Variants in TEAD1 observed in about 807,000 individuals in gnomAD.
TEAD1 encodes the protein transcriptional enhancer factor TEF-1.
Under a neutral mutation model 54.9 loss-of-function variants are expected in TEAD1, and 9 were observed. The ratio of observed to expected loss-of-function variants is 0.16; its 90% CI spans 0.10 to 0.29. The LOEUF is 0.29. TEAD1 is among the 10% of genes least tolerant of loss of function. TEAD1 has a pLI of 1.00. For missense variants in TEAD1, 387 were observed against 535.9 expected, an observed-to-expected ratio of 0.72 and a Z score of 2.74; for synonymous variants, 200 against 187.8, an observed-to-expected ratio of 1.07 and a Z score of -0.53.
chr11:12,734,734 A>C (rs985780329), intron 2 of TEAD1, among the ~76,000 whole-genome samples: 12 of 152,346 alleles, frequency 7.9e-5, no homozygotes, highest in Admixed American at 7.2e-4. Flanking sequence ...TTCTAGAAAC[A>C]ATAGGCTATA....
chr11:12,692,198 C>T (rs1943471747), intron 2 of TEAD1, among the ~76,000 whole-genome samples: 1 of 152,156 alleles, frequency 6.6e-6, no homozygotes, highest in South Asian at 2.1e-4. Context: ...CATGTTGGTG[C>T]ATCATAGACT....
At chr11:12,795,401 C>G (rs1405251808) in intron 3 of TEAD1, among the ~76,000 whole-genome samples, 1 of 152,188 alleles carries the variant, frequency 6.6e-6, no homozygotes, top group Non-Finnish European at 1.5e-5. Flanking sequence ...GTTAACACTT[C>G]AACAAATCTT....
intron 2 of TEAD1, among the ~76,000 whole-genome samples, chr11:12,700,298 TC>T (rs1300408987): frequency 2.6e-5 from 4 of 152,188 alleles, no homozygotes; most frequent in African/African-American, 4.8e-5. Context: ...TTGGACTTTT[TC>T]TTCCATAACT....
chr11:12,698,291 C>T (rs187181282), intron 2 of TEAD1, among the ~76,000 whole-genome samples: 2 of 151,964 alleles, frequency 1.3e-5, no homozygotes, highest in Non-Finnish European at 2.9e-5. Context: ...CCTTGCTGCG[C>T]TCTCTCTTTT....
At chr11:12,763,214 G>A (rs1199393216) in intron 2 of TEAD1, among the ~76,000 whole-genome samples, 1 of 152,160 alleles carries the variant, frequency 6.6e-6, no homozygotes, top group Non-Finnish European at 1.5e-5. Flanking sequence ...ATAATTTAAG[G>A]GGAATAAATC....
At chr11:12,872,001 A>G (rs1430978408) in intron 5 of TEAD1, among the ~76,000 whole-genome samples, 1 of 151,968 alleles carries the variant, frequency 6.6e-6, no homozygotes, top group Non-Finnish European at 1.5e-5. Flanking sequence ...CCCCGGGGCC[A>G]TTTTCTTGTT....
chr11:12,899,261 A>C (rs983582251), intron 9 of TEAD1, among the ~76,000 whole-genome samples: 1 of 149,912 alleles, frequency 6.7e-6, no homozygotes, highest in Non-Finnish European at 1.5e-5. Context: ...GAGGTTGTTA[A>C]TCAGGGTTGG....
chr11:12,744,562 G>A (rs1159870714), intron 2 of TEAD1, among the ~76,000 whole-genome samples: 2 of 152,154 alleles, frequency 1.3e-5, no homozygotes, highest in Admixed American at 1.3e-4. Context: ...TGCATGGGTA[G>A]CACTGATTAT....
intron 3 of TEAD1, among the ~76,000 whole-genome samples, chr11:12,783,192 CTTTT>C (rs3046326): frequency 1.0e-5 from 1 of 99,552 alleles, no homozygotes; most frequent in Non-Finnish European, 2.0e-5. Flanking sequence ...GTTTTTGTGC[CTTTT>C]TTTTTTTTTT....
Position 12,837,371 on chromosome 11 carries a change from C to T in TEAD1, c.203-24879C>T, listed in dbSNP as rs140976131. Among the ~76,000 whole-genome samples, 667 of 152,268 alleles carry T rather than the reference C, an allele frequency of 4.4e-3. 4 individuals carry two copies. The highest frequency in any genetic ancestry group is 0.024 in the Middle Eastern group (7 of 294). ...GGGCCAGGCATCGGGTCCTCAGTAA[C>T]GGACAGGGCAGTTTTGGCTACTGTT... is the stretch of plus-strand genomic sequence containing the variant. On this transcript the variant is annotated intron_variant, in intron 3 of 12. Transcript: ENST00000527636.
intron 2 of TEAD1, among the ~76,000 whole-genome samples, chr11:12,709,762 C>A (rs1212112145): frequency 1.3e-5 from 2 of 152,062 alleles, no homozygotes; most frequent in African/African-American, 4.8e-5. Flanking sequence ...GTCGTTAACC[C>A]AAGTAATCCT....
At chr11:12,932,420 G>A (rs1285830381) in intron 12 of TEAD1, among the ~76,000 whole-genome samples, 1 of 151,970 alleles carries the variant, frequency 6.6e-6, no homozygotes. Context: ...CTCTTGGGGG[G>A]GAGTCTTAGC....
At chr11:12,710,263 G>C (rs1286779763) in intron 2 of TEAD1, among the ~76,000 whole-genome samples, 1 of 152,166 alleles carries the variant, frequency 6.6e-6, no homozygotes, top group African/African-American at 2.4e-5. Flanking sequence ...GGTCAAGGCT[G>C]CAGTGAGCCG....
chr11:12,839,112 TA>T (rs74883882), intron 3 of TEAD1, among the ~76,000 whole-genome samples: 6,693 of 147,100 alleles, frequency 0.045, 517 homozygotes, highest in African/African-American at 0.16. Context: ...ATTTACTTAT[TA>T]AAAAAAAAAA....
intron 10 of TEAD1, 78 bp from the exon 11 acceptor site, chr11:12,924,834 T>C: frequency 1.9e-6 from 3 of 1,572,246 alleles, no homozygotes; most frequent in Non-Finnish European, 2.6e-6. Flanking sequence ...AGCAGAGGTC[T>C]TACCCTGAAA....
At chr11:12,709,995 G>GA (rs1346636928) in intron 2 of TEAD1, among the ~76,000 whole-genome samples, 2 of 144,596 alleles carry the variant, frequency 1.4e-5, no homozygotes, top group East Asian at 4.0e-4. Flanking sequence ...AATGAGAAAA[G>GA]AAATAATGAA....
Position 12,822,082 on chromosome 11 carries a change from G to A in TEAD1, c.203-40168G>A, listed in dbSNP as rs529052899. Among the ~76,000 whole-genome samples the A allele has an allele frequency of 1.2e-4, 18 of 147,606 alleles. No homozygotes were observed. The South Asian group carries it at 4.0e-3, about 33-fold the overall frequency. The stretch of plus-strand genomic sequence containing the variant: ...AGGTTCACACCATTCTCCTGCCTCA[G>A]CCTCCTGAGTAGCTGGGACTACAGG... On this transcript the variant is annotated intron_variant, in intron 3 of 12. Transcript: ENST00000527636.
intron 9 of TEAD1, among the ~76,000 whole-genome samples, chr11:12,900,831 G>A (rs554845112): frequency 1.5e-4 from 23 of 152,296 alleles, no homozygotes; most frequent in South Asian, 4.1e-4. Flanking sequence ...TGGACTGCTA[G>A]ATAAAGAAGG....
intron 9 of TEAD1, among the ~76,000 whole-genome samples, chr11:12,892,079 A>T (rs1277224078): frequency 2.0e-5 from 3 of 152,226 alleles, no homozygotes; most frequent in Non-Finnish European, 4.4e-5. Flanking sequence ...GTCTGTAAAT[A>T]TATCCTGCAG....
Sources: allele counts gnomAD v4.1 joint callset (sites outside exome capture counted in the v4.1 genomes callset), GRCh38; gene constraint gnomAD v4.1.1; transcripts MANE v1.5; gene names NCBI Gene and HGNC (gene_info 2026-07-23, HGNC 2026-07-21).